Variants in PRKN observed in about 807,000 individuals in gnomAD.
PRKN encodes E3 ubiquitin-protein ligase parkin.
A neutral mutation model predicts 59.5 loss-of-function variants in PRKN; 56 were observed. That is an observed-to-expected ratio of 0.94 (90% CI 0.76 to 1.18). The LOEUF (loss-of-function observed/expected upper bound fraction) is 1.18, where lower values mean the gene tolerates loss of function less well. PRKN is among the 50% of genes most tolerant of loss of function. PRKN has a pLI of 0.00. For missense variants in PRKN, 657 were observed against 596.4 expected, an observed-to-expected ratio of 1.10 and a Z score of -1.06; for synonymous variants, 250 against 222.1, an observed-to-expected ratio of 1.13 and a Z score of -1.12.
At chr6:162,539,264 T>C (rs766377791) in intron 1 of PRKN, among the ~76,000 whole-genome samples, 1 of 152,148 alleles carries the variant, frequency 6.6e-6, no homozygotes, top group Non-Finnish European at 1.5e-5. Context: ...GAGAAAAACA[T>C]TTCTCAAAGG....
intron 2 of PRKN, among the ~76,000 whole-genome samples, chr6:162,389,585 A>T (rs1322437456): frequency 6.6e-6 from 1 of 152,170 alleles, no homozygotes; most frequent in Non-Finnish European, 1.5e-5. Context: ...ATCATTTACC[A>T]ATTTCTTGGT....
chr6:162,205,981 G>C (rs1784920341), intron 3 of PRKN, among the ~76,000 whole-genome samples: 1 of 152,150 alleles, frequency 6.6e-6, no homozygotes, highest in South Asian at 2.1e-4. Flanking sequence ...ACTGGGCAGT[G>C]AAACAGCTTG....
At chr6:161,965,082 C>T (rs763167966) in intron 6 of PRKN, among the ~76,000 whole-genome samples, 149 of 152,182 alleles carry the variant, frequency 9.8e-4, no homozygotes, top group Non-Finnish European at 1.6e-3. Context: ...AAAATCCAGT[C>T]AAATTATCTT....
At position 162,355,411 on chromosome 6, in the gene PRKN, A is replaced by ATCTATCTATCTATCTATC. The variant is rs1562696425; in HGVS notation, c.171+87898_171+87899insGATAGATAGATAGATAGA. On this transcript the variant is annotated intron_variant, in intron 2 of 11. Coordinates refer to ENST00000366898, the MANE Select transcript of PRKN (RefSeq NM_004562.3). ...GTAATCTATCTATCTATCTATCTAT[A>ATCTATCTATCTATCTATC]TATATATAACAATTTAGTTTTTCAT... Among the ~76,000 whole-genome samples the ATCTATCTATCTATCTATC allele has an allele frequency of 3.0e-3, 433 of 144,040 alleles. 1 individual carries two copies. Among genetic ancestry groups the ATCTATCTATCTATCTATC allele is most frequent in the African/African-American group, 0.011 (390 of 34,092 alleles). 94.5% of individuals were successfully genotyped at this position (144,040 alleles called of 152,430 possible).
intron 2 of PRKN, among the ~76,000 whole-genome samples, chr6:162,442,009 GA>G (rs5881476): frequency 1.3e-3 from 195 of 147,566 alleles, no homozygotes; most frequent in Middle Eastern, 3.6e-3. Flanking sequence ...GACTGAAATA[GA>G]AAAAAAAAAA....
chr6:162,693,320 G>A (rs560171944), intron 1 of PRKN, among the ~76,000 whole-genome samples: 1 of 152,180 alleles, frequency 6.6e-6, no homozygotes. Flanking sequence ...ATCCTCAGTA[G>A]AGATGGGATC....
chr6:162,561,351 T>C (rs1779831310), intron 1 of PRKN, among the ~76,000 whole-genome samples: 1 of 152,020 alleles, frequency 6.6e-6, no homozygotes, highest in African/African-American at 2.4e-5. Flanking sequence ...AGAAAGCCAA[T>C]GACTATCTAG....
rs1178743939 is a variant in PRKN, at chr6:161,362,001, G to C, written c.1168-1796C>G. Among the ~76,000 whole-genome samples, 1 of 152,082 alleles carries C rather than the reference G, an allele frequency of 6.6e-6. No individual in the cohort carries two copies. The highest frequency in any genetic ancestry group is 1.5e-5 in the Non-Finnish European group (1 of 68,026). On this transcript the variant is annotated intron_variant, in intron 10 of 11. Coordinates refer to ENST00000366898, the MANE Select transcript of PRKN (RefSeq NM_004562.3). This position sits in a 1 kb window ranked among gnomAD's most constrained non-coding sequence, Gnocchi z 5.2. Reference sequence around the variant, plus strand: ...CCGACCTGCACCCCAACGCCACCCCGGCCTCATGTTCCACGCTGTTCTTTT... The same window carrying C: ...CCGACCTGCACCCCAACGCCACCCCCGCCTCATGTTCCACGCTGTTCTTTT...
At chr6:161,787,917 G>C (rs1442725885) in intron 6 of PRKN, among the ~76,000 whole-genome samples, 1 of 152,240 alleles carries the variant, frequency 6.6e-6, no homozygotes, top group Non-Finnish European at 1.5e-5. Context: ...TCCAGCCTGG[G>C]CTACAGAGTG....
Position 161,379,416 on chromosome 6 carries a change from T to C in PRKN, c.1167+7378A>G, listed in dbSNP as rs909087243. Among the ~76,000 whole-genome samples, 1 of 152,148 alleles carries C rather than the reference T, an allele frequency of 6.6e-6. No individual in the cohort carries two copies. Among genetic ancestry groups the C allele is most frequent in the African/African-American group, 2.4e-5 (1 of 41,422 alleles). ...TATAGTTTACCCTGCTAACCTTCCA[T>C]TTGTACATTTCTCCAGTCTCTCTCA... On this transcript the variant is annotated intron_variant, in intron 10 of 11. Transcript: ENST00000366898. This position sits in a 1 kb window ranked among gnomAD's most constrained non-coding sequence, Gnocchi z 4.9.
At chr6:162,134,676 T>C (rs1583081283) in intron 4 of PRKN, among the ~76,000 whole-genome samples, 1 of 152,164 alleles carries the variant, frequency 6.6e-6, no homozygotes, top group East Asian at 1.9e-4. Context: ...CTCTTTAGAG[T>C]GAAAGCTACT....
At chr6:161,819,264 G>A (rs1791919110) in intron 6 of PRKN, among the ~76,000 whole-genome samples, 1 of 152,136 alleles carries the variant, frequency 6.6e-6, no homozygotes, top group Non-Finnish European at 1.5e-5. Context: ...GGCTAAGGTG[G>A]GCAGATCGCT....
chr6:162,048,740 C>T (rs1374551028), intron 5 of PRKN, among the ~76,000 whole-genome samples: 1 of 131,946 alleles, frequency 7.6e-6, no homozygotes, highest in East Asian at 2.6e-4. Context: ...AAAAAAAAAT[C>T]TCATAAGAGA....
intron 1 of PRKN, among the ~76,000 whole-genome samples, chr6:162,499,167 C>T (rs897237626): frequency 6.6e-6 from 1 of 152,110 alleles, no homozygotes; most frequent in African/African-American, 2.4e-5. Flanking sequence ...GCCCCTACTT[C>T]CACCCTTTAT....
intron 1 of PRKN, among the ~76,000 whole-genome samples, chr6:162,584,630 G>T (rs66529337): frequency 6.6e-6 from 1 of 151,860 alleles, no homozygotes; most frequent in Admixed American, 6.6e-5. Context: ...TAAATTAAGG[G>T]AAAAAAGCCA....
At chr6:162,501,319 T>TA (rs1397435950) in intron 1 of PRKN, among the ~76,000 whole-genome samples, 1 of 151,556 alleles carries the variant, frequency 6.6e-6, no homozygotes. Flanking sequence ...TCCATATCTT[T>TA]AAACTTCATT....
chr6:161,922,514 C>T (rs1431355904), intron 6 of PRKN, among the ~76,000 whole-genome samples: 5 of 152,096 alleles, frequency 3.3e-5, no homozygotes, highest in African/African-American at 7.2e-5. Context: ...TATTTGTACA[C>T]GTGCACATAC....
intron 7 of PRKN, among the ~76,000 whole-genome samples, chr6:161,752,353 C>A (rs576053110): frequency 1.3e-5 from 2 of 150,938 alleles, no homozygotes; most frequent in Non-Finnish European, 3.0e-5. Context: ...GGTGACAGAG[C>A]GAGACTCTGT....
chr6:161,965,736 G>A (rs1050504850), intron 6 of PRKN, among the ~76,000 whole-genome samples: 45 of 151,956 alleles, frequency 3.0e-4, no homozygotes, highest in Non-Finnish European at 1.2e-4. Context: ...TCAAAGCTGG[G>A]GGCTTCCAGC....
Sources: gnomAD v4.1 joint callset for allele counts (sites outside exome capture counted in the v4.1 genomes callset) on GRCh38, gnomAD v4.1.1 for gene constraint, Gnocchi (gnomAD v3.1) non-coding constraint, MANE v1.5 for transcripts, NCBI Gene and HGNC (gene_info 2026-07-23, HGNC 2026-07-21) for gene names.